Variants in TRPS1 observed in about 807,000 individuals in gnomAD.
TRPS1 encodes transcriptional repressor GATA binding 1, also known as zinc finger transcription factor Trps1.
A neutral mutation model predicts 101.2 loss-of-function variants in TRPS1; 6 were observed. That is an observed-to-expected ratio of 0.06 (90% CI 0.03 to 0.12). TRPS1 has a LOEUF of 0.12. Ranked by LOEUF, TRPS1 falls within the 10% of genes least tolerant of loss-of-function variation. The pLI is 1.00. For missense variants in TRPS1, 1,363 were observed against 1,567.0 expected (o/e 0.87, Z 2.20); for synonymous variants, 578 against 589.8 (o/e 0.98, Z 0.29).
chr8:115,526,451 G>GTAT lies in TRPS1; in HGVS notation c.2700+60547_2700+60549dup, dbSNP rs530976009. Among the ~76,000 whole-genome samples, 285 of 152,190 alleles carry GTAT rather than the reference G, an allele frequency of 1.9e-3. 1 individual carries two copies. Among genetic ancestry groups the GTAT allele is most frequent in the African/African-American group, 4.1e-3 (171 of 41,536 alleles). On this transcript the variant is annotated intron_variant, in intron 5 of 6. Coordinates refer to ENST00000395715, the MANE Select transcript of TRPS1 (RefSeq NM_014112.5). ...AGTAGGTAATATATTTTAAAAAACAGTATTATTATTATCTTTCAACATTCT... is the reference window on the plus strand; with the variant it reads ...AGTAGGTAATATATTTTAAAAAACAGTATTATTATTATTATCTTTCAACATTCT...
rs182225077 is a variant in TRPS1, at chr8:115,619,022, T to G, written c.966+110A>C. On this transcript the variant is annotated intron_variant, in intron 3 of 6. Coordinates refer to ENST00000395715, the MANE Select transcript of TRPS1 (RefSeq NM_014112.5). ...GTGTGTCCATCTCTTCTGCTAGATCTAGCAGGCTACCTGTCTGGTACTGGG... is the reference window on the plus strand; with the variant it reads ...GTGTGTCCATCTCTTCTGCTAGATCGAGCAGGCTACCTGTCTGGTACTGGG... The G allele has an allele frequency of 3.8e-5, 44 of 1,168,204 alleles. No individual in the cohort carries two copies. The African/African-American group carries it at 4.3e-4, about 11-fold the overall frequency. 72.4% of individuals were successfully genotyped at this position (1,168,204 alleles called of 1,614,324 possible). A position where few individuals can be genotyped will look rare whatever the true frequency, so the allele number is the denominator to read the frequency against.
rs1812813263 is a variant in TRPS1 at position 115,412,508 on chromosome 8, T to C, written c.*1515A>G. 6.6e-6 allele frequency: 1 copy of C among 152,608 alleles called. No homozygotes were observed. 9.5% of individuals were successfully genotyped at this position (152,608 alleles called of 1,614,324 possible). A position where few individuals can be genotyped will look rare whatever the true frequency, so the allele number is the denominator to read the frequency against. On this transcript the variant is annotated 3_prime_UTR_variant, in exon 7 of 7. Transcript: ENST00000395715. Reference sequence around the variant, plus strand: ...ATTCAATATGTCAGGCACCATTATTTGAAATGTAATACATTAATATTTACT... The same window carrying C: ...ATTCAATATGTCAGGCACCATTATTCGAAATGTAATACATTAATATTTACT...
chr8:115,490,088 T>G (rs1471155581), intron 5 of TRPS1, among the ~76,000 whole-genome samples: 1 of 152,154 alleles, frequency 6.6e-6, no homozygotes, highest in Non-Finnish European at 1.5e-5. Flanking sequence ...TTTACAATTG[T>G]ATTTTTATAA....
At chr8:115,537,621 A>C (rs1816353827) in intron 5 of TRPS1, among the ~76,000 whole-genome samples, 1 of 152,202 alleles carries the variant, frequency 6.6e-6, no homozygotes, top group Admixed American at 6.5e-5. Context: ...TCTCCTATAA[A>C]AAAAAGACAT....
chr8:115,555,743 C>T (rs965777019), intron 5 of TRPS1, among the ~76,000 whole-genome samples: 25 of 152,138 alleles, frequency 1.6e-4, no homozygotes, highest in African/African-American at 5.8e-4. Flanking sequence ...CAGTGGCTCA[C>T]GCCTGTAATC....
chr8:115,580,432 C>T (rs1655460353), intron 5 of TRPS1, among the ~76,000 whole-genome samples: 1 of 151,904 alleles, frequency 6.6e-6, no homozygotes, highest in African/African-American at 2.4e-5. Context: ...ACACTACATA[C>T]CTCATTTTTG....
chr8:115,609,481 G>C (rs1408964300), intron 3 of TRPS1, among the ~76,000 whole-genome samples: 1 of 152,138 alleles, frequency 6.6e-6, no homozygotes, highest in Non-Finnish European at 1.5e-5. Context: ...TTGACTGAAT[G>C]AATGAACGAA....
chr8:115,537,168 A>T (rs1277214392), intron 5 of TRPS1, among the ~76,000 whole-genome samples: 1 of 152,178 alleles, frequency 6.6e-6, no homozygotes, highest in East Asian at 1.9e-4. Flanking sequence ...TTTTAAATCA[A>T]CAAGGAAGTT....
At chr8:115,417,298 C>T (rs1279934421) in intron 6 of TRPS1, among the ~76,000 whole-genome samples, 3 of 152,102 alleles carry the variant, frequency 2.0e-5, no homozygotes, top group Non-Finnish European at 4.4e-5. Context: ...ATGCTAATAA[C>T]TAAGGTTTTT....
At chr8:115,589,703 C>T (rs1817639670) in intron 4 of TRPS1, among the ~76,000 whole-genome samples, 3 of 152,114 alleles carry the variant, frequency 2.0e-5, no homozygotes, top group Admixed American at 1.3e-4. Flanking sequence ...ATAATCTTGC[C>T]ACCAATGTCA....
chr8:115,656,094 T>C (rs1811670899), intron 1 of TRPS1, among the ~76,000 whole-genome samples: 1 of 152,174 alleles, frequency 6.6e-6, no homozygotes. Flanking sequence ...ATGGGTAATG[T>C]ATTAGAGATA....
chr8:115,604,258 T>C lies in TRPS1; in HGVS notation c.1711A>G (p.Lys571Glu). 6.2e-7 allele frequency: 1 copy of C among 1,614,078 alleles called. No homozygotes were observed. The highest frequency in any genetic ancestry group is 8.5e-7 in the Non-Finnish European group (1 of 1,180,000). Residue 571 changes from lysine (K) to glutamate (E), a missense_variant, in exon 4 of 7, where the codon AAG (lysine) becomes GAG (glutamate). Physicochemically the swap from Lys to Glu is moderately conservative, Grantham distance 56 (BLOSUM62 1). This residue lies in a region of TRPS1 where 1,020 missense variants were observed against 1,073.0 expected (regional missense o/e 0.95). Coordinates refer to ENST00000395715, the MANE Select transcript of TRPS1 (RefSeq NM_014112.5). This position sits in a 1 kb window ranked among gnomAD's most constrained non-coding sequence, Gnocchi z 4.1. ...RHYQQLHNIH[K>E]CTIKHCPFCP... ...AATGGACAGTGTTTAATGGTACACT[T>C]GTGAATGTTATGGAGCTGTTGATAA...
intron 5 of TRPS1, among the ~76,000 whole-genome samples, chr8:115,456,507 T>C (rs7840589): frequency 0.013 from 2,003 of 152,290 alleles, 46 homozygotes; most frequent in South Asian, 0.046. Context: ...TTACATGATA[T>C]AATGTTACTA....
chr8:115,542,102 T>G (rs1454857962), intron 5 of TRPS1, among the ~76,000 whole-genome samples: 1 of 152,218 alleles, frequency 6.6e-6, no homozygotes, highest in African/African-American at 2.4e-5. Context: ...ATTTGTAATT[T>G]GTCACATCAC....
chr8:115,528,386 C>T (rs1232146749), intron 5 of TRPS1, among the ~76,000 whole-genome samples: 1 of 152,064 alleles, frequency 6.6e-6, no homozygotes, highest in African/African-American at 2.4e-5. Flanking sequence ...TTAATCCTCA[C>T]AGCAGCACTC....
chr8:115,547,289 C>T (rs753597214), intron 5 of TRPS1, among the ~76,000 whole-genome samples: 4 of 152,032 alleles, frequency 2.6e-5, no homozygotes, highest in African/African-American at 4.8e-5. Context: ...CTGTCTCTAC[C>T]TCTCGCCCTC....
chr8:115,648,562 A>T (rs1483030868), intron 1 of TRPS1, among the ~76,000 whole-genome samples: 2 of 152,066 alleles, frequency 1.3e-5, no homozygotes, highest in Admixed American at 6.5e-5. Context: ...ACTCACTCTC[A>T]CCGTAGCTGC....
In TRPS1 at chr8:115,544,454, T is replaced by C. The variant is rs565531514; in HGVS notation, c.2700+42547A>G. Among the ~76,000 whole-genome samples, 20 of 152,108 alleles carry C rather than the reference T, an allele frequency of 1.3e-4. No individual in the cohort carries two copies. The South Asian group carries it at 4.2e-3, about 32-fold the overall frequency. ...ATCTAAGTCCTGTACCTCCCTGGCA[T>C]CTGCTGAGGATGTTGCTAGAGCTAT... On this transcript the variant is annotated intron_variant, in intron 5 of 6. Coordinates refer to ENST00000395715, the MANE Select transcript of TRPS1 (RefSeq NM_014112.5).
intron 1 of TRPS1, among the ~76,000 whole-genome samples, chr8:115,651,774 G>A (rs745507160): frequency 2.6e-5 from 4 of 152,122 alleles, no homozygotes; most frequent in East Asian, 1.9e-4. Flanking sequence ...TTAAGGTTGC[G>A]TAGAAGGCAT....
Sources: allele counts gnomAD v4.1 joint callset (sites outside exome capture counted in the v4.1 genomes callset), GRCh38; gene constraint gnomAD v4.1.1; regional missense constraint gnomAD v4.1.1; non-coding constraint Gnocchi (gnomAD v3.1); transcripts MANE v1.5; gene names NCBI Gene and HGNC (gene_info 2026-07-23, HGNC 2026-07-21).